The following SRGAP2C variants were observed in gnomAD, a reference collection of about 807,000 sequenced individuals.
SRGAP2C encodes SLIT-ROBO Rho GTPase activating protein 2C.
SRGAP2C carries 15 observed loss-of-function variants against 25.1 expected under a neutral mutation model. That is an observed-to-expected ratio of 0.60 (90% CI 0.40 to 0.92). The LOEUF (loss-of-function observed/expected upper bound fraction) is 0.92. Among genes scored for constraint, SRGAP2C ranks in the 40% least tolerant of loss-of-function variants. The probability of loss-of-function intolerance (pLI) is 0.00; values close to 1 mark genes in which losing one functional copy is unlikely to be tolerated. For missense variants in SRGAP2C, 144 were observed against 264.4 expected (o/e 0.54, Z 3.16); for synonymous variants, 44 against 96.6 (o/e 0.46, Z 3.19).
At chr1:121,305,251 C>G (rs1471930927) in intron 3 of SRGAP2C, among the ~76,000 whole-genome samples, 5 of 151,534 alleles carry the variant, frequency 3.3e-5, no homozygotes, top group African/African-American at 1.2e-4. Flanking sequence ...CCATGATTGT[C>G]TGTACTGTTT....
intron 4 of SRGAP2C, among the ~76,000 whole-genome samples, chr1:121,343,324 T>C (rs1358483408): frequency 1.2e-4 from 18 of 152,282 alleles, no homozygotes; most frequent in African/African-American, 4.1e-4. Flanking sequence ...ATCCCCTTCA[T>C]ATGAAGAGTG....
At chr1:121,305,472 T>C (rs1276555552) in intron 3 of SRGAP2C, among the ~76,000 whole-genome samples, 10 of 47,770 alleles carry the variant, frequency 2.1e-4, no homozygotes, top group Admixed American at 8.1e-4. Context: ...GCCTCTCTAA[T>C]AGCTCTTTTG....
intron 4 of SRGAP2C, among the ~76,000 whole-genome samples, chr1:121,339,330 C>T (rs1392664241): frequency 2.7e-5 from 4 of 149,752 alleles, no homozygotes; most frequent in South Asian, 4.2e-4. Flanking sequence ...TGGCTCACTG[C>T]AACCTCCGCC....
In SRGAP2C at chr1:121,221,584, G is replaced by A. The variant is rs367774765; in HGVS notation, c.67+34071G>A. Among the ~76,000 whole-genome samples the A allele has an allele frequency of 5.4e-3, 450 of 83,332 alleles. 30 individuals carry two copies. Among genetic ancestry groups the A allele is most frequent in the African/African-American group, 0.023 (388 of 16,584 alleles). 54.7% of individuals were successfully genotyped at this position (83,332 alleles called of 152,430 possible). A position where few individuals can be genotyped will look rare whatever the true frequency, so the allele number is the denominator to read the frequency against. ...AAATTAGCTGGGCATGGTGGTGGGC[G>A]CCTGTAATCCCAGCTACTCAGGAGG... On this transcript the variant is annotated intron_variant, in intron 2 of 9. Transcript: ENST00000367123.
intron 4 of SRGAP2C, among the ~76,000 whole-genome samples, chr1:121,345,880 A>G (rs1658732932): frequency 7.3e-6 from 1 of 136,252 alleles, no homozygotes. Flanking sequence ...CGAACTCTTG[A>G]CTTCAGGTGA....
intron 2 of SRGAP2C, among the ~76,000 whole-genome samples, chr1:121,207,672 A>C (rs587714828): frequency 6.6e-6 from 1 of 152,374 alleles, no homozygotes; most frequent in African/African-American, 2.4e-5. Flanking sequence ...AGAGGGGATC[A>C]GGCTAAAACC....
Position 121,356,790 on chromosome 1 carries a change from G to A in SRGAP2C, c.424-8503G>A, listed in dbSNP as rs587612647. 5.4e-3 allele frequency among the ~76,000 whole-genome samples: 819 copies of A among 152,070 alleles called. 7 individuals are homozygous for A. Among genetic ancestry groups the A allele is most frequent in the African/African-American group, 0.019 (788 of 41,456 alleles). ...GAAATTTGCCAAGACAAAGATCACAGTGGTAGTTTAAGAAATGAAAGCTTA... is the reference window on the plus strand; with the variant it reads ...GAAATTTGCCAAGACAAAGATCACAATGGTAGTTTAAGAAATGAAAGCTTA... On this transcript the variant is annotated intron_variant, in intron 4 of 9. Coordinates refer to ENST00000367123, the MANE Select transcript of SRGAP2C (RefSeq NM_001329984.2).
chr1:121,267,082 ATCT>A (rs1341706390), intron 2 of SRGAP2C, among the ~76,000 whole-genome samples: 58 of 149,154 alleles, frequency 3.9e-4, no homozygotes, highest in African/African-American at 1.2e-3. Flanking sequence ...GTACTTTTAA[ATCT>A]TCTTCTCACT....
chr1:121,315,177 A>G (rs1310178151), intron 3 of SRGAP2C: 4 of 398,334 alleles, frequency 1.0e-5, no homozygotes, highest in Admixed American at 3.6e-5. Flanking sequence ...GACAGGTCCT[A>G]TGTTACCCAG....
chr1:121,304,947 C>T (rs1328914979), intron 3 of SRGAP2C, among the ~76,000 whole-genome samples: 22 of 152,268 alleles, frequency 1.4e-4, no homozygotes, highest in African/African-American at 3.4e-4. Context: ...AAAAAGATGG[C>T]GCAGATTCAG....
intron 3 of SRGAP2C, among the ~76,000 whole-genome samples, chr1:121,287,784 C>G (rs1392965937): frequency 1.3e-5 from 2 of 151,976 alleles, no homozygotes; most frequent in Admixed American, 1.3e-4. Flanking sequence ...TTTCTTCCTT[C>G]TGGTGGGTTC....
At chr1:121,384,202 CAT>C (rs1240745671) in intron 8 of SRGAP2C, among the ~76,000 whole-genome samples, 2 of 64,162 alleles carry the variant, frequency 3.1e-5, no homozygotes, top group Non-Finnish European at 3.2e-5. Flanking sequence ...AAAACAGCAA[CAT>C]GTGTGCTCCT....
rs587718862 is a variant in SRGAP2C, at chr1:121,270,278, A to G, written c.68-14525A>G. On this transcript the variant is annotated intron_variant, in intron 2 of 9. Coordinates refer to ENST00000367123, the MANE Select transcript of SRGAP2C (RefSeq NM_001329984.2). The stretch of plus-strand genomic sequence containing the variant: ...TATCAGAATTTTTTAAGACATGGCT[A>G]CTTTATCTTCAGGCCTTGAATATTG... Among the ~76,000 whole-genome samples, 23 of 152,054 alleles carry G rather than the reference A, an allele frequency of 1.5e-4. No individual in the cohort carries two copies. In the South Asian group the frequency reaches 4.4e-3, roughly 29 times the overall value.
intron 2 of SRGAP2C, among the ~76,000 whole-genome samples, chr1:121,265,866 A>G (rs1338207317): frequency 1.3e-5 from 2 of 151,906 alleles, no homozygotes; most frequent in Non-Finnish European, 2.9e-5. Context: ...GGTGAAAATC[A>G]TCTAGATGTG....
chr1:121,199,005 A>C (rs1355511086), intron 2 of SRGAP2C, among the ~76,000 whole-genome samples: 3 of 152,194 alleles, frequency 2.0e-5, no homozygotes, highest in Non-Finnish European at 2.9e-5. Flanking sequence ...TGGGAACAAC[A>C]ATTCTTGGCC....
At chr1:121,289,131 G>A (rs1414627593) in intron 3 of SRGAP2C, among the ~76,000 whole-genome samples, 1 of 146,712 alleles carries the variant, frequency 6.8e-6, no homozygotes, top group African/African-American at 2.5e-5. Flanking sequence ...GGTGGTCGAT[G>A]GGACTGGGCG....
chr1:121,357,012 C>T (rs1396597729), intron 4 of SRGAP2C, among the ~76,000 whole-genome samples: 3 of 150,492 alleles, frequency 2.0e-5, no homozygotes, highest in East Asian at 4.0e-4. Context: ...ACCCTTGTCC[C>T]GAGTATGCCT....
intron 3 of SRGAP2C, among the ~76,000 whole-genome samples, chr1:121,296,374 T>C (rs1657600252): frequency 7.5e-6 from 1 of 133,386 alleles, no homozygotes; most frequent in South Asian, 2.5e-4. Context: ...GATTACAGAG[T>C]GTATAAAGGA....
intron 2 of SRGAP2C, among the ~76,000 whole-genome samples, chr1:121,254,875 C>T (rs587695063): frequency 3.7e-4 from 56 of 151,900 alleles, no homozygotes; most frequent in African/African-American, 1.3e-3. Context: ...TCAGCTTTTG[C>T]CCTTGAACAG....
Sources: gnomAD v4.1 joint callset for allele counts (sites outside exome capture counted in the v4.1 genomes callset) on GRCh38, gnomAD v4.1.1 for gene constraint, MANE v1.5 for transcripts, NCBI Gene and HGNC (gene_info 2026-07-23, HGNC 2026-07-21) for gene names.